The following CD200R1L variants were observed in gnomAD, a reference collection of about 807,000 sequenced individuals.
The protein encoded by CD200R1L is cell surface glycoprotein CD200 receptor 2.
CD200R1L carries 14 observed loss-of-function variants against 24.8 expected under a neutral mutation model. The observed-to-expected ratio is 0.56, with a 90% CI of 0.37 to 0.88. CD200R1L has a LOEUF of 0.88. CD200R1L is among the 40% of genes least tolerant of loss of function. The probability of loss-of-function intolerance (pLI) is 0.00; values close to 1 mark genes in which losing one functional copy is unlikely to be tolerated. For synonymous variants in CD200R1L, 111 were observed against 109.2 expected (o/e 1.02, Z -0.11); for missense variants, 299 against 297.8 (o/e 1.00, Z -0.03).
At position 112,827,221 on chromosome 3, in the gene CD200R1L, A is replaced by G; in HGVS notation, c.388T>C (p.Phe130Leu). The stretch of plus-strand genomic sequence containing the variant: ...ACTGCAGTTATATTCCTGCTTTGAA[A>G]TAGGTTCACTTCGGGTGTAACTGCA... ...QVLVTPEVNL[F>L]QSRNITAVCK... is the part of the protein sequence containing the mutation. Residue 130 changes from phenylalanine to leucine, a missense_variant, in exon 6 of 8, where the codon TTT becomes CTT. Phe to Leu is a conservative substitution (Grantham distance 22). Coordinates refer to ENST00000488794, the MANE Select transcript of CD200R1L (RefSeq NM_001199215.3). The G allele has an allele frequency of 6.2e-7, 1 of 1,612,628 alleles. No individual in the cohort carries two copies. Among genetic ancestry groups the G allele is most frequent in the Non-Finnish European group, 8.5e-7 (1 of 1,179,496 alleles).
rs182523209 is a variant in CD200R1L, at chr3:112,835,546, A to G, written c.-18+2396T>C. Among the ~76,000 whole-genome samples, 22 of 152,282 alleles carry G rather than the reference A, an allele frequency of 1.4e-4. No homozygotes were observed. In the South Asian group the frequency reaches 3.1e-3, roughly 22 times the overall value. On this transcript the variant is annotated intron_variant, in intron 3 of 7. Transcript: ENST00000488794. ...CTCAGAAAAAGCACTACAAGTTCCA[A>G]TTTCAGTTTGCGGGACCAGTAGCCC...
chr3:112,842,736 T>C (rs938357301), intron 2 of CD200R1L, among the ~76,000 whole-genome samples: 1 of 152,230 alleles, frequency 6.6e-6, no homozygotes, highest in African/African-American at 2.4e-5. Flanking sequence ...GCTCCGGGAA[T>C]GTCTGTCTTA....
In CD200R1L at chr3:112,827,599, T is replaced by C. The variant is rs759946654; in HGVS notation, c.135A>G (p.Thr45=). 5.6e-6 allele frequency: 9 copies of C among 1,614,020 alleles called. No individual in the cohort carries two copies. The South Asian group carries it at 8.8e-5, about 16-fold the overall frequency. ...PIALRNLIII[T]WEIILRGQPS... ...GCTGGCCTCTCAGGATTATTTCCCA[T>C]GTTATTATGATCAAATTTCTTAATG... The change falls in exon 5 of 8, where the codon ACA becomes ACG. Residue 45 remains threonine, a synonymous_variant. Coordinates refer to ENST00000488794, the MANE Select transcript of CD200R1L (RefSeq NM_001199215.3).
At chr3:112,837,525 A>G (rs538945221) in intron 3 of CD200R1L, among the ~76,000 whole-genome samples, 1 of 152,286 alleles carries the variant, frequency 6.6e-6, no homozygotes, top group Admixed American at 6.5e-5. Flanking sequence ...TTTAGTCCAC[A>G]ATGATCCCCT....
chr3:112,836,933 A>G (rs1938964257), intron 3 of CD200R1L, among the ~76,000 whole-genome samples: 1 of 152,314 alleles, frequency 6.6e-6, no homozygotes, highest in Non-Finnish European at 1.5e-5. Context: ...TCTCTATTCT[A>G]TGGGAAAACT....
rs1559927933 is a variant in CD200R1L at position 112,845,774 on chromosome 3, A to C, written c.-182T>G. The C allele has an allele frequency of 5.5e-6, 8 of 1,460,784 alleles. No homozygotes were observed. The highest frequency in any genetic ancestry group is 7.7e-6 in the Non-Finnish European group (8 of 1,044,612). The allele number at this position is 1,460,784 out of a possible 1,614,324, so 90.5% of individuals were successfully genotyped here. ...TGGTTTTCTACTTAAACATAAATCC[A>C]CTTTAAATCAATCAACAGACTTGGT... On this transcript the variant is annotated 5_prime_UTR_variant, in exon 2 of 8. Transcript: ENST00000488794.
intron 6 of CD200R1L, among the ~76,000 whole-genome samples, chr3:112,823,804 T>C (rs1400872177): frequency 6.6e-6 from 1 of 152,076 alleles, no homozygotes; most frequent in Non-Finnish European, 1.5e-5. Context: ...AAGTACCTTA[T>C]GGAGAGGTAG....
At chr3:112,830,601 C>G (rs1474583207) in intron 3 of CD200R1L, among the ~76,000 whole-genome samples, 1 of 144,052 alleles carries the variant, frequency 6.9e-6, no homozygotes, top group African/African-American at 2.6e-5. Flanking sequence ...CTGTTACCAT[C>G]ACACTTGTCA....
At chr3:112,838,751 C>G (rs1374835716) in intron 2 of CD200R1L, among the ~76,000 whole-genome samples, 3 of 152,062 alleles carry the variant, frequency 2.0e-5, no homozygotes, top group Non-Finnish European at 4.4e-5. Context: ...TTCAATCATT[C>G]AATCAAACAC....
chr3:112,846,345 A>G (rs1180005433), intron 1 of CD200R1L, among the ~76,000 whole-genome samples: 1 of 152,244 alleles, frequency 6.6e-6, no homozygotes, highest in Non-Finnish European at 1.5e-5. Flanking sequence ...TTAATGCTGT[A>G]TAGTAAATTT....
intron 6 of CD200R1L, among the ~76,000 whole-genome samples, chr3:112,822,992 A>G (rs1215699316): frequency 6.6e-6 from 1 of 152,236 alleles, no homozygotes; most frequent in Non-Finnish European, 1.5e-5. Context: ...ATTGCCTAAC[A>G]TGAAATGTTA....
rs1379620804 is a variant in CD200R1L at position 112,845,671 on chromosome 3, A to T, written c.-87+8T>A. ...TTTCAGCTGAAAATGTCACAGTATC[A>T]GACTTACCAGACACCATGATAATGA... On this transcript the variant is annotated splice_region_variant and intron_variant, in intron 2 of 7. Transcript: ENST00000488794. 1 of 1,608,500 alleles carries T rather than the reference A, an allele frequency of 6.2e-7. No homozygotes were observed. The highest frequency in any genetic ancestry group is 8.5e-7 in the Non-Finnish European group (1 of 1,175,474).
intron 3 of CD200R1L, among the ~76,000 whole-genome samples, chr3:112,832,893 T>G (rs537682463): frequency 6.6e-6 from 1 of 152,332 alleles, no homozygotes; most frequent in East Asian, 1.9e-4. Context: ...ATCTGGGCAT[T>G]TTGCAAAGAC....
At chr3:112,827,270 C>T (rs1482941625) in intron 5 of CD200R1L, 29 bp from the exon 6 acceptor site, 13 of 1,591,088 alleles carry the variant, frequency 8.2e-6, no homozygotes, top group Non-Finnish European at 1.1e-5. Flanking sequence ...GAAAAAAATG[C>T]TTCAGTTTTC....
rs1164256692 is a variant in CD200R1L at position 112,827,336 on chromosome 3, GTGAAATACCTCAGTA to G, written c.367+16_367+30del. On this transcript the variant is annotated intron_variant, in intron 5 of 7. Coordinates refer to ENST00000488794, the MANE Select transcript of CD200R1L (RefSeq NM_001199215.3). Reference sequence around the variant, plus strand: ...TTGTTTCAGTCACAAATCTGGTGATGTGAAATACCTCAGTATGTGATGCTCCTTACCTAACACTTG... The same window carrying G: ...TTGTTTCAGTCACAAATCTGGTGATGTGTGATGCTCCTTACCTAACACTTG... 1 of 1,597,178 alleles carries G rather than the reference GTGAAATACCTCAGTA, an allele frequency of 6.3e-7. No individual in the cohort carries two copies. Among genetic ancestry groups the G allele is most frequent in the Non-Finnish European group, 8.5e-7 (1 of 1,171,160 alleles).
chr3:112,829,401 G>C lies in CD200R1L; in HGVS notation c.-17-17C>G, dbSNP rs765985313. On this transcript the variant is annotated splice_polypyrimidine_tract_variant and intron_variant, in intron 3 of 7. Coordinates refer to ENST00000488794, the MANE Select transcript of CD200R1L (RefSeq NM_001199215.3). ...TACTTGAAGCTAGAAAACATTTAGA[G>C]AAGAATAAGCGAAATCAATTTTATG... 1 of 1,608,918 alleles carries C rather than the reference G, an allele frequency of 6.2e-7. No individual in the cohort carries two copies. Among genetic ancestry groups the C allele is most frequent in the Admixed American group, 1.7e-5 (1 of 59,984 alleles).
At chr3:112,821,199 A>T (rs1045820468) in intron 6 of CD200R1L, among the ~76,000 whole-genome samples, 3 of 152,236 alleles carry the variant, frequency 2.0e-5, no homozygotes, top group Non-Finnish European at 4.4e-5. Flanking sequence ...ACTAAACTAG[A>T]AAAATGTCAG....
intron 3 of CD200R1L, among the ~76,000 whole-genome samples, chr3:112,835,941 G>C (rs569879106): frequency 6.6e-6 from 1 of 152,288 alleles, no homozygotes; most frequent in East Asian, 1.9e-4. Flanking sequence ...CACAGCTCTG[G>C]CTGCACCCCC....
intron 2 of CD200R1L, among the ~76,000 whole-genome samples, chr3:112,840,232 A>C (rs1360572641): frequency 1.3e-5 from 2 of 152,198 alleles, no homozygotes; most frequent in Non-Finnish European, 2.9e-5. Context: ...GAAATACCTG[A>C]GACTGGGTAA....
Sources: gnomAD v4.1 joint callset for allele counts (sites outside exome capture counted in the v4.1 genomes callset) on GRCh38, gnomAD v4.1.1 for gene constraint, MANE v1.5 for transcripts, NCBI Gene and HGNC (gene_info 2026-07-23, HGNC 2026-07-21) for gene names.